The following GTF3C3 variants were observed in gnomAD, a reference collection of about 807,000 sequenced individuals.
GTF3C3 encodes the protein general transcription factor 3C polypeptide 3.
Under a neutral mutation model 105.2 loss-of-function variants are expected in GTF3C3, and 75 were observed. That is an observed-to-expected ratio of 0.71 (90% CI 0.59 to 0.86). The LOEUF is 0.86. Ranked by LOEUF, GTF3C3 falls within the 40% of genes least tolerant of loss-of-function variation. GTF3C3 has a pLI of 0.00. For synonymous variants in GTF3C3, 335 were observed against 370.4 expected (o/e 0.90, Z 1.10); for missense variants, 856 against 1,076.5 (o/e 0.80, Z 2.87).
chr2:196,769,852 GTATT>G (rs1699141209), intron 16 of GTF3C3, 59 bp downstream of exon 16: 1 of 1,384,048 alleles, frequency 7.2e-7, no homozygotes, highest in Non-Finnish European at 1.0e-6. Flanking sequence ...TTTAAAAAAA[GTATT>G]AAGTATATTC....
chr2:196,794,819 C>T (rs918039115), intron 2 of GTF3C3, among the ~76,000 whole-genome samples: 1 of 152,014 alleles, frequency 6.6e-6, no homozygotes, highest in Non-Finnish European at 1.5e-5. Flanking sequence ...ACTGCAGCCT[C>T]CACCTCCCAG....
Position 196,771,791 on chromosome 2 carries a change from AT to A in GTF3C3, c.2216del (p.Asn739MetfsTer35). The stretch of plus-strand genomic sequence containing the variant: ...TACCAGATACAAATGCATTGTGTCC[AT>A]TTAAGACACATAGGGCATGATTTTC... ...NPENHALCVL[N>X]GHNAFVSGSF... On this transcript the variant is annotated frameshift_variant, in exon 15 of 18. Transcript: ENST00000263956. LOFTEE classifies it high-confidence loss of function. 6.2e-7 allele frequency: 1 copy of A among 1,612,726 alleles called. No individual in the cohort carries two copies. The highest frequency in any genetic ancestry group is 8.5e-7 in the Non-Finnish European group (1 of 1,178,692).
At chr2:196,799,458 A>G (rs752449829) in intron 1 of GTF3C3, 52 bp downstream of exon 1, 16 of 1,354,600 alleles carry the variant, frequency 1.2e-5, no homozygotes, top group Non-Finnish European at 1.7e-5. Flanking sequence ...CCCACACCTA[A>G]GGGTATGAAG....
At chr2:196,765,737 G>A (rs781553722) in intron 17 of GTF3C3, among the ~76,000 whole-genome samples, 97 of 151,824 alleles carry the variant, frequency 6.4e-4, no homozygotes, top group Non-Finnish European at 1.1e-3. Context: ...TGTGCCGGGC[G>A]CAGTGGCTCA....
intron 6 of GTF3C3, among the ~76,000 whole-genome samples, chr2:196,785,789 A>C (rs547961291): frequency 1.3e-5 from 2 of 152,272 alleles, no homozygotes; most frequent in South Asian, 2.1e-4. Flanking sequence ...AATTTCAAGC[A>C]TCTCACTCTC....
rs1425135974 is a variant in GTF3C3, at chr2:196,763,519, T to C, written c.*1044A>G. 1.3e-5 allele frequency: 2 copies of C among 152,222 alleles called. No homozygotes were observed. Among genetic ancestry groups the C allele is most frequent in the African/African-American group, 2.4e-5 (1 of 41,460 alleles). The allele number at this position is 152,222 out of a possible 1,614,324, so 9.4% of individuals were successfully genotyped here. On this transcript the variant is annotated 3_prime_UTR_variant, in exon 18 of 18. Coordinates refer to ENST00000263956, the MANE Select transcript of GTF3C3 (RefSeq NM_012086.5). ...ATGGAGTATACAATATATTTACTTATTGCATACAAATTCTGCTCAACTAGA... is the reference window on the plus strand; with the variant it reads ...ATGGAGTATACAATATATTTACTTACTGCATACAAATTCTGCTCAACTAGA...
rs963444508 is a variant in GTF3C3, at chr2:196,764,274, T to C, written c.*289A>G. 5 of 223,448 alleles carry C rather than the reference T, an allele frequency of 2.2e-5. No individual in the cohort carries two copies. The highest frequency in any genetic ancestry group is 4.4e-5 in the Non-Finnish European group (5 of 112,992). The allele number at this position is 223,448 out of a possible 1,614,324, so 13.8% of individuals were successfully genotyped here. ...AATAAATGGTGTGAGTGAAAAATAG[T>C]GTATTCGACTCCAAGCTAGCTCAAA... On this transcript the variant is annotated 3_prime_UTR_variant, in exon 18 of 18. Coordinates refer to ENST00000263956, the MANE Select transcript of GTF3C3 (RefSeq NM_012086.5).
intron 14 of GTF3C3, among the ~76,000 whole-genome samples, chr2:196,772,203 G>A (rs1699186433): frequency 6.6e-6 from 1 of 152,296 alleles, no homozygotes; most frequent in South Asian, 2.1e-4. Context: ...AAGTGGTTTA[G>A]GTTTCACTTT....
rs1699011836 is a variant in GTF3C3, at chr2:196,763,803, TTTTTAC to T, written c.*754_*759del. Reference sequence around the variant, plus strand: ...ATGAGTAAACAAACAAAAAAAAAGTTTTTTACTTTATCAATCAGCAGTATGTCCTTT... The same window carrying T: ...ATGAGTAAACAAACAAAAAAAAAGTTTTTATCAATCAGCAGTATGTCCTTT... On this transcript the variant is annotated 3_prime_UTR_variant, in exon 18 of 18. Transcript: ENST00000263956. 6.6e-6 allele frequency: 1 copy of T among 152,172 alleles called. No individual in the cohort carries two copies. The highest frequency in any genetic ancestry group is 2.1e-4 in the South Asian group (1 of 4,828). 9.4% of individuals were successfully genotyped at this position (152,172 alleles called of 1,614,324 possible). A position where few individuals can be genotyped will look rare whatever the true frequency, so the allele number is the denominator to read the frequency against.
intron 8 of GTF3C3, among the ~76,000 whole-genome samples, chr2:196,782,059 C>A (rs1020439623): frequency 6.6e-6 from 1 of 152,210 alleles, no homozygotes; most frequent in African/African-American, 2.4e-5. Context: ...TGCTAACAGT[C>A]TGAAATGTTG....
Position 196,776,206 on chromosome 2 carries a change from A to G in GTF3C3, c.1594-95T>C. ...AAACATTTTTAAAAAAACAAACCAT[A>G]TTGCTTTATGGTCTTTCACAATAAT... is the stretch of plus-strand genomic sequence containing the variant. On this transcript the variant is annotated intron_variant, in intron 11 of 17. Coordinates refer to ENST00000263956, the MANE Select transcript of GTF3C3 (RefSeq NM_012086.5). The surrounding 1 kb of genome is among the most constrained non-coding windows in gnomAD (Gnocchi z 4.5). 1.3e-6 allele frequency: 1 copy of G among 765,454 alleles called. No individual in the cohort carries two copies. The highest frequency in any genetic ancestry group is 2.1e-6 in the Non-Finnish European group (1 of 466,108). 47.4% of individuals were successfully genotyped at this position (765,454 alleles called of 1,614,324 possible).
chr2:196,797,234 T>TA (rs997998808), intron 2 of GTF3C3, among the ~76,000 whole-genome samples: 2 of 152,196 alleles, frequency 1.3e-5, no homozygotes, highest in African/African-American at 4.8e-5. Flanking sequence ...ATTTGCTTAC[T>TA]AATTAATTAG....
intron 8 of GTF3C3, chr2:196,780,885 C>T (rs1237678110): frequency 1.1e-5 from 4 of 367,682 alleles, no homozygotes; most frequent in Non-Finnish European, 1.9e-5. Context: ...CCAAAACTTA[C>T]TTTCACACCT....
At chr2:196,798,776 C>A (rs1699694624) in intron 1 of GTF3C3, among the ~76,000 whole-genome samples, 1 of 147,880 alleles carries the variant, frequency 6.8e-6, no homozygotes, top group South Asian at 2.2e-4. Flanking sequence ...GCAGGAGAAT[C>A]GCTTGAAACC....
At chr2:196,792,166 CA>C (rs1330645682) in intron 3 of GTF3C3, among the ~76,000 whole-genome samples, 2 of 152,014 alleles carry the variant, frequency 1.3e-5, no homozygotes, top group East Asian at 3.9e-4. Flanking sequence ...TGGACACAGA[CA>C]TATTTTTTAA....
At chr2:196,781,349 A>ATATATATATATATAT (rs1226821935) in intron 8 of GTF3C3, among the ~76,000 whole-genome samples, 2 of 22,854 alleles carry the variant, frequency 8.8e-5, no homozygotes, top group East Asian at 3.9e-3. Context: ...GGGGAAAAAA[A>ATATATATATATATAT]AAAAAAAAAT....
intron 10 of GTF3C3, chr2:196,777,769 T>C (rs1322052298): frequency 6.6e-6 from 1 of 152,218 alleles, no homozygotes; most frequent in Non-Finnish European, 1.5e-5. Context: ...GATTTTATCT[T>C]TCATTCATCT....
chr2:196,784,316 G>A (rs1174943453), intron 8 of GTF3C3, among the ~76,000 whole-genome samples: 2 of 152,042 alleles, frequency 1.3e-5, no homozygotes, highest in Non-Finnish European at 1.5e-5. Context: ...TTGATGTAGG[G>A]TCTTGAATGT....
intron 17 of GTF3C3, among the ~76,000 whole-genome samples, 198 bp from the exon 18 acceptor site, chr2:196,764,883 C>T (rs1014270587): frequency 3.9e-5 from 6 of 152,118 alleles, no homozygotes; most frequent in African/African-American, 1.4e-4. Context: ...AATATTTTAA[C>T]AGTAATTTAA....
Sources: allele counts gnomAD v4.1 joint callset (sites outside exome capture counted in the v4.1 genomes callset), GRCh38; gene constraint gnomAD v4.1.1; non-coding constraint Gnocchi (gnomAD v3.1); transcripts MANE v1.5; gene names NCBI Gene and HGNC (gene_info 2026-07-23, HGNC 2026-07-21).